The following BTLA variants were observed in gnomAD, a reference collection of about 807,000 sequenced individuals.
The protein encoded by BTLA is B- and T-lymphocyte attenuator.
In BTLA, 11 loss-of-function variants were observed where a neutral mutation model predicts 25.0. The observed-to-expected ratio is 0.44, with a 90% confidence interval of 0.28 to 0.73. BTLA has a LOEUF of 0.73. Ranked by LOEUF, BTLA falls within the 30% of genes least tolerant of loss-of-function variation. The pLI, the probability that BTLA is intolerant of heterozygous loss-of-function variation, is 0.15. For synonymous variants in BTLA, 104 were observed against 119.8 expected (o/e 0.87, Z 0.86); for missense variants, 282 against 332.8 (o/e 0.85, Z 1.19).
At chr3:112,472,841 G>A (rs750300558) in intron 2 of BTLA, among the ~76,000 whole-genome samples, 8 of 152,054 alleles carry the variant, frequency 5.3e-5, no homozygotes, top group Non-Finnish European at 1.2e-4. Context: ...GTCTATTGAT[G>A]TTGCAGCTGC....
At chr3:112,480,321 G>C (rs1019607467) in intron 1 of BTLA, among the ~76,000 whole-genome samples, 1 of 151,986 alleles carries the variant, frequency 6.6e-6, no homozygotes, top group Non-Finnish European at 1.5e-5. Context: ...CTCTCTTTTT[G>C]GACTCAGCCC....
intron 2 of BTLA, among the ~76,000 whole-genome samples, chr3:112,478,234 C>A (rs2082299496): frequency 6.6e-6 from 1 of 152,064 alleles, no homozygotes; most frequent in African/African-American, 2.4e-5. Context: ...GCTATCTTTA[C>A]AATATTACAT....
chr3:112,478,443 AT>A (rs2082300585), intron 2 of BTLA, among the ~76,000 whole-genome samples: 1 of 152,126 alleles, frequency 6.6e-6, no homozygotes, highest in Non-Finnish European at 1.5e-5. Context: ...TTGCTAGTGT[AT>A]AGAAATATCA....
chr3:112,491,593 A>C (rs2082380266), intron 1 of BTLA, among the ~76,000 whole-genome samples: 1 of 152,222 alleles, frequency 6.6e-6, no homozygotes, highest in African/African-American at 2.4e-5. Flanking sequence ...CCAAAGCACA[A>C]GCTCTTATCC....
intron 2 of BTLA, among the ~76,000 whole-genome samples, chr3:112,472,132 G>A (rs896365484): frequency 5.3e-5 from 8 of 152,108 alleles, no homozygotes; most frequent in Non-Finnish European, 1.2e-4. Context: ...AACAAGGTAG[G>A]GGGAGGGAGG....
At chr3:112,489,377 T>G (rs906219005) in intron 1 of BTLA, among the ~76,000 whole-genome samples, 1 of 152,226 alleles carries the variant, frequency 6.6e-6, no homozygotes, top group African/African-American at 2.4e-5. Flanking sequence ...GGGTTATGAT[T>G]ATGAATATTT....
chr3:112,482,450 C>T (rs2082323058), intron 1 of BTLA, among the ~76,000 whole-genome samples: 1 of 152,172 alleles, frequency 6.6e-6, no homozygotes, highest in African/African-American at 2.4e-5. Context: ...CATGTCTATC[C>T]AGAACAAGGT....
At chr3:112,492,069 T>A (rs1159432232) in intron 1 of BTLA, among the ~76,000 whole-genome samples, 1 of 152,234 alleles carries the variant, frequency 6.6e-6, no homozygotes, top group African/African-American at 2.4e-5. Flanking sequence ...GACTTCTTCA[T>A]TACATCTCTG....
Position 112,471,353 on chromosome 3 carries a change from C to T in BTLA, c.406G>A (p.Val136Ile), listed in dbSNP as rs749764945. 3.1e-6 allele frequency: 5 copies of T among 1,613,454 alleles called. No homozygotes were observed. The Admixed American group carries it at 8.3e-5, about 27-fold the overall frequency. The change falls in exon 3 of 5, where the codon GTA (valine) becomes ATA (isoleucine). Residue 136 changes from valine to isoleucine, a missense_variant and splice_region_variant. Physicochemically the swap from Val to Ile is conservative, Grantham distance 29 (BLOSUM62 3). Transcript: ENST00000334529. ...GAGGGTCGTTCTGAGGCACTTTTTA[C>T]ATCTGGAATGTTAGTAAATGCTAAA... ...SHSTTLYVTD[V>I]KSASERPSKD...
chr3:112,467,227 G>T (rs1412638556), intron 4 of BTLA, among the ~76,000 whole-genome samples: 1 of 152,098 alleles, frequency 6.6e-6, no homozygotes, highest in Admixed American at 6.6e-5. Context: ...CCCAAAGTGC[G>T]AGGATTATAG....
Position 112,464,828 on chromosome 3 carries a change from C to CA in BTLA, c.*1279dup, listed in dbSNP as rs1190564638. ...ACACACACACACACACACACACACA[C>CA]ATCACATTCCTTTGTGCAGCAGCTC... On this transcript the variant is annotated 3_prime_UTR_variant, in exon 5 of 5. Coordinates refer to ENST00000334529, the MANE Select transcript of BTLA (RefSeq NM_181780.4). The CA allele has an allele frequency of 2.0e-5, 3 of 150,206 alleles. No homozygotes were observed. The highest frequency in any genetic ancestry group is 4.5e-5 in the Non-Finnish European group (3 of 67,406). The allele number at this position is 150,206 out of a possible 1,614,324, so 9.3% of individuals were successfully genotyped here.
chr3:112,492,833 T>C (rs2082387306), intron 1 of BTLA, among the ~76,000 whole-genome samples: 1 of 152,212 alleles, frequency 6.6e-6, no homozygotes, highest in Non-Finnish European at 1.5e-5. Flanking sequence ...CCATTTGTGA[T>C]GTGTGTGAGT....
intron 4 of BTLA, among the ~76,000 whole-genome samples, chr3:112,468,820 A>T (rs576211411): frequency 6.6e-6 from 1 of 152,312 alleles, no homozygotes; most frequent in African/African-American, 2.4e-5. Flanking sequence ...ATGAAAACTT[A>T]ATAGAAGTTT....
intron 1 of BTLA, among the ~76,000 whole-genome samples, chr3:112,491,856 A>G (rs1399369164): frequency 6.6e-6 from 1 of 152,126 alleles, no homozygotes; most frequent in Non-Finnish European, 1.5e-5. Flanking sequence ...GCAGTGGTGC[A>G]TAATAACTAG....
chr3:112,498,663 T>C (rs1473544330), intron 1 of BTLA, among the ~76,000 whole-genome samples: 3 of 147,272 alleles, frequency 2.0e-5, no homozygotes, highest in Non-Finnish European at 3.0e-5. Flanking sequence ...CTGTGTTCAA[T>C]TGACAACCAA....
At chr3:112,466,953 T>C (rs929870291) in intron 4 of BTLA, among the ~76,000 whole-genome samples, 2 of 21,792 alleles carry the variant, frequency 9.2e-5, no homozygotes, top group Admixed American at 9.2e-4. Context: ...CAAAAGAAAA[T>C]TCTTCTTTTT....
chr3:112,467,051 G>A (rs1015964425), intron 4 of BTLA, among the ~76,000 whole-genome samples: 8 of 151,264 alleles, frequency 5.3e-5, no homozygotes, highest in African/African-American at 2.0e-4. Flanking sequence ...TCCGCCTCCC[G>A]GCTTCACGCC....
At chr3:112,472,337 G>T (rs1214501306) in intron 2 of BTLA, among the ~76,000 whole-genome samples, 1 of 151,980 alleles carries the variant, frequency 6.6e-6, no homozygotes, top group African/African-American at 2.4e-5. Flanking sequence ...AGATCTGGTT[G>T]TTGTTGTTGT....
intron 1 of BTLA, among the ~76,000 whole-genome samples, chr3:112,496,816 C>T (rs2082411750): frequency 6.6e-6 from 1 of 151,992 alleles, no homozygotes; most frequent in Non-Finnish European, 1.5e-5. Context: ...CAACCTCTGC[C>T]TCCTGGGTTC....
Sources: gnomAD v4.1 joint callset for allele counts (sites outside exome capture counted in the v4.1 genomes callset) on GRCh38, gnomAD v4.1.1 for gene constraint, MANE v1.5 for transcripts, NCBI Gene and HGNC (gene_info 2026-07-23, HGNC 2026-07-21) for gene names.